Variants in METTL15 observed in about 807,000 individuals in gnomAD.
The protein encoded by METTL15 is 12S rRNA N(4)-cytidine methyltransferase METTL15.
In METTL15, 34 loss-of-function variants were observed where a neutral mutation model predicts 38.3. The observed-to-expected ratio is 0.89, with a 90% CI of 0.68 to 1.18. The LOEUF is 1.18. Ranked by LOEUF, METTL15 falls within the 50% of genes most tolerant of loss-of-function variation. The probability of loss-of-function intolerance (pLI) is 0.00; values close to 1 mark genes in which losing one functional copy is unlikely to be tolerated. For synonymous variants in METTL15, 162 were observed against 170.9 expected (o/e 0.95, Z 0.41); for missense variants, 438 against 498.4 (o/e 0.88, Z 1.15).
intron 3 of METTL15, among the ~76,000 whole-genome samples, chr11:28,179,105 T>G (rs930108271): frequency 2.0e-5 from 3 of 151,830 alleles, no homozygotes; most frequent in Non-Finnish European, 2.9e-5. Flanking sequence ...CACACCTGTG[T>G]GCACACATGG....
chr11:28,293,593 A>G (rs1249426850), intron 5 of METTL15, among the ~76,000 whole-genome samples: 1 of 152,086 alleles, frequency 6.6e-6, no homozygotes, highest in Non-Finnish European at 1.5e-5. Context: ...TTCTGTGAAG[A>G]AAGTCATTGG....
Position 28,175,318 on chromosome 11 carries a change from G to A in METTL15, c.271-35744G>A, listed in dbSNP as rs746186517. The stretch of plus-strand genomic sequence containing the variant: ...CTGCATAGTATTCCATGGTGTATAT[G>A]TGCCACATTTTCTTAATCCAGTCTA... On this transcript the variant is annotated intron_variant, in intron 3 of 6. Coordinates refer to ENST00000407364, the MANE Select transcript of METTL15 (RefSeq NM_001113528.2). Among the ~76,000 whole-genome samples, 5 of 152,208 alleles carry A rather than the reference G, an allele frequency of 3.3e-5. No homozygotes were observed. In the South Asian group the frequency reaches 8.3e-4, roughly 25 times the overall value.
intron 3 of METTL15, among the ~76,000 whole-genome samples, chr11:28,154,139 A>G (rs971244507): frequency 6.6e-6 from 1 of 152,152 alleles, no homozygotes; most frequent in African/African-American, 2.4e-5. Context: ...ATTAGGAGGT[A>G]CAACTCGTAA....
intron 6 of METTL15, among the ~76,000 whole-genome samples, chr11:28,464,749 A>G (rs1324726359): frequency 6.6e-6 from 1 of 152,182 alleles, no homozygotes; most frequent in Non-Finnish European, 1.5e-5. Flanking sequence ...ATTAAGTTCT[A>G]CTACCTCTTT....
intron 4 of METTL15, among the ~76,000 whole-genome samples, chr11:28,237,518 C>T (rs942482159): frequency 2.6e-5 from 4 of 151,996 alleles, no homozygotes; most frequent in Non-Finnish European, 5.9e-5. Context: ...TTTTTTTCAA[C>T]GTTTTCAGCT....
intron 4 of METTL15, among the ~76,000 whole-genome samples, chr11:28,220,413 G>T (rs1301352847): frequency 6.6e-6 from 1 of 151,992 alleles, no homozygotes; most frequent in East Asian, 1.9e-4. Context: ...CCATTTGCTT[G>T]GTAGATCTTC....
In METTL15 at chr11:28,347,751, A is replaced by G. The variant is rs117412686; in HGVS notation, c.*190-4339A>G. 9.9e-3 allele frequency among the ~76,000 whole-genome samples: 1,510 copies of G among 152,296 alleles called. 14 individuals are homozygous for G. Among genetic ancestry groups the G allele is most frequent in the Non-Finnish European group, 0.016 (1,113 of 68,022 alleles). On this transcript the variant is annotated intron_variant and NMD_transcript_variant, in intron 3 of 7. Transcript: ENST00000532947. ...TACCCGGAATTCCACACTTTTGAAA[A>G]TGCTGTCTCCTGTGCCTAGAATGAT...
At chr11:28,446,290 T>A (rs1851074508) in intron 6 of METTL15, among the ~76,000 whole-genome samples, 1 of 152,104 alleles carries the variant, frequency 6.6e-6, no homozygotes, top group Non-Finnish European at 1.5e-5. Context: ...TTTCTACTCT[T>A]CTAGATGTGC....
Position 28,377,845 on chromosome 11 carries a change from C to G in METTL15, c.*358+15809C>G, listed in dbSNP as rs546508244. ...ACAGATGGGTTTTTGGTGTGGATGT[C>G]CTTTCTGTTTGTTAGTTTTCCTTCT... On this transcript the variant is annotated intron_variant and NMD_transcript_variant, in intron 5 of 7. Transcript: ENST00000532947. Among the ~76,000 whole-genome samples the G allele has an allele frequency of 6.8e-3, 1,027 of 151,530 alleles. 15 individuals carry two copies. The highest frequency in any genetic ancestry group is 0.027 in the Middle Eastern group (8 of 294).
chr11:28,262,533 G>T (rs1430628691), intron 4 of METTL15, among the ~76,000 whole-genome samples: 3 of 151,888 alleles, frequency 2.0e-5, no homozygotes, highest in Admixed American at 1.3e-4. Flanking sequence ...TTCTGCTAGG[G>T]TGAAAAAATA....
chr11:28,366,236 A>T (rs1850184439), intron 5 of METTL15, among the ~76,000 whole-genome samples: 1 of 152,132 alleles, frequency 6.6e-6, no homozygotes, highest in South Asian at 2.1e-4. Context: ...TCAGTGACTC[A>T]GTGACTCAGT....
chr11:28,287,012 T>C (rs994400755), intron 4 of METTL15, among the ~76,000 whole-genome samples: 1 of 76,604 alleles, frequency 1.3e-5, no homozygotes, highest in Non-Finnish European at 2.7e-5. Context: ...CTCCACACTA[T>C]ATATATATAT....
intron 4 of METTL15, among the ~76,000 whole-genome samples, chr11:28,253,169 C>T (rs1312857785): frequency 6.6e-6 from 1 of 152,172 alleles, no homozygotes; most frequent in Non-Finnish European, 1.5e-5. Flanking sequence ...GAAGTTTAGT[C>T]TAATTAGCTA....
chr11:28,316,780 T>C (rs543200842), intron 6 of METTL15, among the ~76,000 whole-genome samples: 57 of 152,316 alleles, frequency 3.7e-4, no homozygotes, highest in Admixed American at 1.6e-3. Flanking sequence ...TGAGATCTGA[T>C]GGTTTTATAA....
At chr11:28,337,771 C>T (rs1233594272), downstream of METTL15, among the ~76,000 whole-genome samples, 2 of 152,094 alleles carry the variant, frequency 1.3e-5, 1 homozygote, top group East Asian at 3.8e-4. Flanking sequence ...ATTATCAATA[C>T]AGTAACATGC....
At chr11:28,523,138 A>T (rs1188871569) in intron 6 of METTL15, among the ~76,000 whole-genome samples, 1 of 152,216 alleles carries the variant, frequency 6.6e-6, no homozygotes, top group Non-Finnish European at 1.5e-5. Flanking sequence ...AAAAGGGTAC[A>T]GTACAATGAG....
chr11:28,127,844 C>A (rs781318016), intron 3 of METTL15, among the ~76,000 whole-genome samples: 1 of 152,056 alleles, frequency 6.6e-6, no homozygotes, highest in Non-Finnish European at 1.5e-5. Flanking sequence ...ATCACCCCGA[C>A]AGTTAAAAGT....
At chr11:28,338,792 C>T (rs371355875) in intron 3 of METTL15, among the ~76,000 whole-genome samples, 1 of 152,134 alleles carries the variant, frequency 6.6e-6, no homozygotes, top group Non-Finnish European at 1.5e-5. Context: ...ACCAGGACTT[C>T]AGCTTTGGTA....
chr11:28,448,233 T>C (rs1197709867), intron 6 of METTL15, among the ~76,000 whole-genome samples: 1 of 152,236 alleles, frequency 6.6e-6, no homozygotes, highest in Non-Finnish European at 1.5e-5. Flanking sequence ...CCTGAGATTT[T>C]CCCAGTATTT....
Sources: allele counts gnomAD v4.1 joint callset (sites outside exome capture counted in the v4.1 genomes callset), GRCh38; gene constraint gnomAD v4.1.1; transcripts MANE v1.5; gene names NCBI Gene and HGNC (gene_info 2026-07-23, HGNC 2026-07-21).